The following TENM4 variants were observed in gnomAD, a reference collection of about 807,000 sequenced individuals.
TENM4 encodes the protein teneurin-4.
Under a neutral mutation model 243.3 loss-of-function variants are expected in TENM4, and 82 were observed. The observed-to-expected ratio is 0.34, with a 90% CI of 0.28 to 0.40. TENM4 has a LOEUF of 0.40. Among genes scored for constraint, TENM4 ranks in the 10% least tolerant of loss-of-function variants. TENM4 has a pLI of 1.00. For synonymous variants in TENM4, 1,412 were observed against 1,456.3 expected (o/e 0.97, Z 0.69); for missense variants, 3,138 against 3,673.3 (o/e 0.85, Z 3.77).
intron 1 of TENM4, among the ~76,000 whole-genome samples, chr11:79,306,371 A>C (rs1471048987): frequency 2.0e-5 from 3 of 152,140 alleles, no homozygotes; most frequent in Non-Finnish European, 4.4e-5. Context: ...GAAGAGGAGC[A>C]CACTTGCCTG....
intron 4 of TENM4, among the ~76,000 whole-genome samples, chr11:79,083,568 G>A (rs1371765470): frequency 2.0e-5 from 3 of 152,170 alleles, no homozygotes; most frequent in Admixed American, 6.5e-5. Context: ...TTGAGCTCCC[G>A]TGACAGGGAG....
chr11:78,751,403 C>A (rs187749287), intron 19 of TENM4, among the ~76,000 whole-genome samples: 2 of 152,282 alleles, frequency 1.3e-5, no homozygotes, highest in East Asian at 3.9e-4. Context: ...TGTCCACGAC[C>A]ATCTATTGCC....
At chr11:79,283,492 AAGC>A (rs1856195336) in intron 2 of TENM4, among the ~76,000 whole-genome samples, 1 of 152,154 alleles carries the variant, frequency 6.6e-6, no homozygotes, top group East Asian at 1.9e-4. Context: ...GACATGGAAA[AAGC>A]ACTTCACAAA....
chr11:79,149,049 T>C lies in TENM4; in HGVS notation c.-162-243A>G, dbSNP rs144555003. On this transcript the variant is annotated intron_variant, in intron 3 of 33. Coordinates refer to ENST00000278550, the MANE Select transcript of TENM4 (RefSeq NM_001098816.3). ...TGGCAAATGCTCATTAAGTAGTTGA[T>C]GGACAAGTAAAAGGATGGCTGAGAA... is the stretch of plus-strand genomic sequence containing the variant. Among the ~76,000 whole-genome samples the C allele has an allele frequency of 1.3e-5, 2 of 152,258 alleles. 1 individual carries two copies. The highest frequency in any genetic ancestry group is 3.9e-4 in the East Asian group (2 of 5,174).
At chr11:79,125,435 C>G (rs1392742066) in intron 4 of TENM4, among the ~76,000 whole-genome samples, 1 of 151,994 alleles carries the variant, frequency 6.6e-6, no homozygotes, top group Non-Finnish European at 1.5e-5. Flanking sequence ...TGTGGAAAAA[C>G]AGACACAAGC....
intron 2 of TENM4, among the ~76,000 whole-genome samples, chr11:79,255,112 T>C (rs1248431248): frequency 6.6e-6 from 1 of 152,184 alleles, no homozygotes; most frequent in African/African-American, 2.4e-5. Flanking sequence ...CACCGCAGAA[T>C]TGGGGGCGTG....
chr11:79,227,793 AG>A (rs1419712073), intron 2 of TENM4, among the ~76,000 whole-genome samples: 1 of 152,214 alleles, frequency 6.6e-6, no homozygotes. Flanking sequence ...TGGTCAGGTT[AG>A]GGTGTTTGAG....
chr11:79,163,794 C>T (rs1862813347), intron 3 of TENM4, among the ~76,000 whole-genome samples: 1 of 46,758 alleles, frequency 2.1e-5, no homozygotes, highest in Non-Finnish European at 4.4e-5. Context: ...TATATATACA[C>T]ACACATATAT....
At chr11:78,862,418 A>G (rs1029452360) in intron 10 of TENM4, among the ~76,000 whole-genome samples, 4 of 152,360 alleles carry the variant, frequency 2.6e-5, no homozygotes, top group African/African-American at 9.6e-5. Context: ...AACATGCTGT[A>G]CGAACACTAA....
chr11:78,672,531 C>T (rs1858358566), intron 30 of TENM4, among the ~76,000 whole-genome samples: 1 of 152,166 alleles, frequency 6.6e-6, no homozygotes, highest in Non-Finnish European at 1.5e-5. Flanking sequence ...AAAATGGGGA[C>T]AATAATGCCA....
intron 28 of TENM4, among the ~76,000 whole-genome samples, chr11:78,690,276 C>G (rs976913353): frequency 6.6e-6 from 1 of 152,200 alleles, no homozygotes; most frequent in African/African-American, 2.4e-5. Flanking sequence ...AGAGACTTCT[C>G]TCACATGGAG....
intron 2 of TENM4, among the ~76,000 whole-genome samples, chr11:79,286,942 A>G (rs2135374891): frequency 6.6e-6 from 1 of 152,366 alleles, no homozygotes; most frequent in East Asian, 1.9e-4. Flanking sequence ...GATAGCCACA[A>G]ATAGCATGTT....
chr11:79,312,164 T>C (rs551730463), intron 1 of TENM4, among the ~76,000 whole-genome samples: 161 of 152,274 alleles, frequency 1.1e-3, no homozygotes, highest in African/African-American at 3.8e-3. Flanking sequence ...CAGGACTCCA[T>C]CTGAATCATT....
chr11:79,229,640 C>T (rs188931929), intron 2 of TENM4, among the ~76,000 whole-genome samples: 12 of 152,294 alleles, frequency 7.9e-5, no homozygotes, highest in African/African-American at 2.6e-4. Context: ...CACCCTAGCA[C>T]CCTTCAGCAT....
intron 6 of TENM4, among the ~76,000 whole-genome samples, chr11:79,023,561 C>CA (rs3985612): frequency 0.013 from 1,506 of 113,354 alleles, 28 homozygotes; most frequent in African/African-American, 0.032. Context: ...GGCTCTGTCT[C>CA]AAAAAAAAAA....
intron 4 of TENM4, among the ~76,000 whole-genome samples, chr11:79,147,141 A>G (rs569174440): frequency 6.6e-6 from 1 of 152,252 alleles, no homozygotes; most frequent in Non-Finnish European, 1.5e-5. Flanking sequence ...CTGATTTGCA[A>G]AGTATTGATA....
At chr11:79,285,642 G>C (rs187112241) in intron 2 of TENM4, among the ~76,000 whole-genome samples, 151 of 151,702 alleles carry the variant, frequency 1.0e-3, no homozygotes, top group Non-Finnish European at 1.7e-3. Context: ...AACAAAATGT[G>C]GTATGTGTGT....
At chr11:79,135,297 A>G (rs894726472) in intron 4 of TENM4, among the ~76,000 whole-genome samples, 1 of 152,130 alleles carries the variant, frequency 6.6e-6, no homozygotes, top group African/African-American at 2.4e-5. Context: ...ACAATGTGAT[A>G]CCACCTTACT....
intron 6 of TENM4, among the ~76,000 whole-genome samples, chr11:78,976,128 C>T (rs1356228166): frequency 6.6e-6 from 1 of 152,226 alleles, no homozygotes; most frequent in Admixed American, 6.5e-5. Context: ...CTTGATCTTT[C>T]ATCAGCCCTG....
Sources: allele counts gnomAD v4.1 joint callset (sites outside exome capture counted in the v4.1 genomes callset), GRCh38; gene constraint gnomAD v4.1.1; transcripts MANE v1.5; gene names NCBI Gene and HGNC (gene_info 2026-07-23, HGNC 2026-07-21).